The following ANKRD28 variants were observed in gnomAD, a reference collection of about 807,000 sequenced individuals.
ANKRD28 encodes ankyrin repeat domain 28.
ANKRD28 carries 44 observed loss-of-function variants against 126.5 expected under a neutral mutation model. That is an observed-to-expected ratio of 0.35 (90% CI 0.27 to 0.45). ANKRD28 has a LOEUF of 0.45. Among genes scored for constraint, ANKRD28 ranks in the 20% least tolerant of loss-of-function variants. The probability of loss-of-function intolerance (pLI) is 1.00; values close to 1 mark genes in which losing one functional copy is unlikely to be tolerated. For missense variants in ANKRD28, 1,110 were observed against 1,316.6 expected (o/e 0.84, Z 2.43); for synonymous variants, 442 against 468.5 (o/e 0.94, Z 0.73).
rs2061384747 is a variant in ANKRD28, at chr3:15,839,289, A to C, written c.27+20088T>G. Among the ~76,000 whole-genome samples, 1 of 152,144 alleles carries C rather than the reference A, an allele frequency of 6.6e-6. No individual in the cohort carries two copies. Among genetic ancestry groups the C allele is most frequent in the Non-Finnish European group, 1.5e-5 (1 of 68,024 alleles). ...CAATAAACTGTTAAAAAAAAAACAC[A>C]CTGATCTAACCAATCACCAGCTCTT... On this transcript the variant is annotated intron_variant, in intron 1 of 27. Transcript: ENST00000399451. The surrounding 1 kb of genome is among the most constrained non-coding windows in gnomAD (Gnocchi z 4.3).
exon 1 of ANKRD28, chr3:15,859,664 C>T (rs1237711107): frequency 6.3e-6 from 1 of 159,984 alleles, no homozygotes; most frequent in East Asian, 1.8e-4. Flanking sequence ...TCCCCGCCCT[C>T]TTCCTTCCTT....
At chr3:15,786,467 G>A (rs894982612) in intron 2 of ANKRD28, among the ~76,000 whole-genome samples, 3 of 152,108 alleles carry the variant, frequency 2.0e-5, no homozygotes, top group Non-Finnish European at 4.4e-5. Context: ...TTACCAGGGA[G>A]AGGAGGGAGG....
At position 15,815,885 on chromosome 3, in the gene ANKRD28, A is replaced by AT. The variant is rs754551474; in HGVS notation, c.28-20580dup. Reference sequence around the variant, plus strand: ...GATATGGTAATAGAATTAGTCTGCCATATGGTGGCAGCAAATACCAAAGAA... The same window carrying AT: ...GATATGGTAATAGAATTAGTCTGCCATTATGGTGGCAGCAAATACCAAAGAA... On this transcript the variant is annotated intron_variant, in intron 1 of 27. Coordinates refer to the ANKRD28 transcript ENST00000399451. The surrounding 1 kb of genome is among the most constrained non-coding windows in gnomAD (Gnocchi z 4.1). Among the ~76,000 whole-genome samples the AT allele has an allele frequency of 4.9e-4, 74 of 152,330 alleles. 1 individual carries two copies. The highest frequency in any genetic ancestry group is 2.5e-3 in the Admixed American group (38 of 15,300).
At position 15,670,526 on chromosome 3, in the gene ANKRD28, T is replaced by C. The variant is rs772235408; in HGVS notation, c.2996A>G (p.Asn999Ser). ...GYTPALACAP[N>S]KDVADCLALI... ...AGCCAGGCAATCAGCCACATCCTTA[T>C]TGGGAGCACAGGCCAAAGCTGGGGT... The change falls in exon 28 of 28, where the codon AAT becomes AGT. Residue 999 changes from asparagine to serine, a missense_variant. By Grantham distance (46) the Asn-to-Ser change is conservative. Coordinates refer to ENST00000683139, the MANE Select transcript of ANKRD28 (RefSeq NM_001349278.2). 17 of 1,613,820 alleles carry C rather than the reference T, an allele frequency of 1.1e-5. No homozygotes were observed. Among genetic ancestry groups the C allele is most frequent in the Middle Eastern group, 1.6e-4 (1 of 6,084 alleles).
chr3:15,850,198 A>ATATAT (rs1553649981), intron 1 of ANKRD28, among the ~76,000 whole-genome samples: 10 of 42,124 alleles, frequency 2.4e-4, no homozygotes, highest in East Asian at 4.0e-3. Context: ...AATAAAAAAA[A>ATATAT]AAAAAAATAT....
rs965152342 is a variant in ANKRD28 at position 15,706,094 on chromosome 3, C to CT, written c.1547+1829dup. On this transcript the variant is annotated intron_variant, in intron 14 of 27. Transcript: ENST00000683139. ...TTTTGTGTGTGTGTGATTCTGAAAT[C>CT]TTTTTTTTATTGTTATACTTTGTTC... Among the ~76,000 whole-genome samples, 20 of 151,634 alleles carry CT rather than the reference C, an allele frequency of 1.3e-4. No homozygotes were observed. The South Asian group carries it at 2.5e-3, about 19-fold the overall frequency.
chr3:15,746,352 A>T (rs1213721143), intron 4 of ANKRD28, among the ~76,000 whole-genome samples: 2 of 152,208 alleles, frequency 1.3e-5, no homozygotes, highest in Non-Finnish European at 2.9e-5. Flanking sequence ...AGTTTGTCAT[A>T]GACAGCTTCT....
intron 2 of ANKRD28, among the ~76,000 whole-genome samples, chr3:15,774,205 T>A (rs2059152317): frequency 6.6e-6 from 1 of 152,172 alleles, no homozygotes; most frequent in Non-Finnish European, 1.5e-5. Context: ...AATTGTGGGT[T>A]GTGTAAAGAG....
intron 2 of ANKRD28, among the ~76,000 whole-genome samples, chr3:15,784,236 A>C (rs1288413068): frequency 6.6e-6 from 1 of 152,062 alleles, no homozygotes; most frequent in Non-Finnish European, 1.5e-5. Context: ...AGTTAAATAA[A>C]AACATTTTAT....
chr3:15,820,550 C>G (rs901620582), intron 1 of ANKRD28, among the ~76,000 whole-genome samples: 1 of 152,134 alleles, frequency 6.6e-6, no homozygotes, highest in Non-Finnish European at 1.5e-5. Context: ...GGAAACTAAT[C>G]ATATGCAATG....
intron 4 of ANKRD28, among the ~76,000 whole-genome samples, chr3:15,747,680 T>C (rs2057570433): frequency 6.6e-6 from 1 of 152,230 alleles, no homozygotes; most frequent in African/African-American, 2.4e-5. Flanking sequence ...AGTTGTTTGG[T>C]AGACTGTTCT....
intron 4 of ANKRD28, among the ~76,000 whole-genome samples, chr3:15,746,961 C>G (rs1670961732): frequency 6.6e-6 from 1 of 152,120 alleles, no homozygotes; most frequent in Admixed American, 6.5e-5. Context: ...TCCATCTCCT[C>G]TAGGTTTTCT....
In ANKRD28 at chr3:15,796,657, T is replaced by TA. The variant is rs1575719337; in HGVS notation, c.-137dup. ...AGCACAGCTGGGTTTTTTTTTTTTT[T>TA]AAAGTTAATAAGTACTACTGGAAAA... On this transcript the variant is annotated 5_prime_UTR_variant, in exon 1 of 28. Transcript: ENST00000683139. The TA allele has an allele frequency of 5.1e-6, 5 of 972,738 alleles. No individual in the cohort carries two copies. The highest frequency in any genetic ancestry group is 9.6e-4 in the Middle Eastern group (2 of 2,080). The allele number at this position is 972,738 out of a possible 1,614,324, so 60.3% of individuals were successfully genotyped here.
chr3:15,757,430 T>C (rs541346745), intron 3 of ANKRD28, among the ~76,000 whole-genome samples: 11 of 152,346 alleles, frequency 7.2e-5, no homozygotes, highest in Admixed American at 2.6e-4. Context: ...TTTTGGAATA[T>C]TCAGAATAAA....
intron 17 of ANKRD28, among the ~76,000 whole-genome samples, chr3:15,693,327 C>CAG (rs59750718): frequency 0.024 from 3,612 of 148,432 alleles, 134 homozygotes; most frequent in African/African-American, 0.079. Context: ...AATGGGGGGG[C>CAG]AGAGAGAGAG....
chr3:15,700,893 T>C (rs1433917236), intron 14 of ANKRD28, among the ~76,000 whole-genome samples: 1 of 152,244 alleles, frequency 6.6e-6, no homozygotes, highest in Non-Finnish European at 1.5e-5. Context: ...AAATAGCCTC[T>C]GTTTATTCAT....
In ANKRD28 at chr3:15,815,989, G is replaced by A. The variant is rs1575760046; in HGVS notation, c.28-20683C>T. Among the ~76,000 whole-genome samples, 1 of 152,120 alleles carries A rather than the reference G, an allele frequency of 6.6e-6. No individual in the cohort carries two copies. The highest frequency in any genetic ancestry group is 6.5e-5 in the Admixed American group (1 of 15,276). On this transcript the variant is annotated intron_variant, in intron 1 of 27. Coordinates refer to the ANKRD28 transcript ENST00000399451. The surrounding 1 kb of genome is among the most constrained non-coding windows in gnomAD (Gnocchi z 4.1). ...GTATTTTAAACAAAGGTTTCAAATA[G>A]AAGAGGCTTTACAGGTTTTCATAAT...
intron 1 of ANKRD28, 40 bp from the exon 2 acceptor site, chr3:15,795,346 A>C (rs761084157): frequency 1.6e-5 from 21 of 1,332,180 alleles, no homozygotes; most frequent in East Asian, 2.3e-5. Context: ...AGAATCATCC[A>C]TGTGGGGTGA....
At chr3:15,851,036 T>G (rs1005224793) in intron 1 of ANKRD28, among the ~76,000 whole-genome samples, 1 of 152,204 alleles carries the variant, frequency 6.6e-6, no homozygotes, top group African/African-American at 2.4e-5. Flanking sequence ...ACTGGTTGCT[T>G]CCTTGGTATG....
Sources: allele counts gnomAD v4.1 joint callset (sites outside exome capture counted in the v4.1 genomes callset), GRCh38; gene constraint gnomAD v4.1.1; non-coding constraint Gnocchi (gnomAD v3.1); transcripts MANE v1.5; gene names NCBI Gene and HGNC (gene_info 2026-07-23, HGNC 2026-07-21).